Variants in ARHGAP20 observed in about 807,000 individuals in gnomAD.
The protein encoded by ARHGAP20 is rho GTPase-activating protein 20.
Under a neutral mutation model 73.7 loss-of-function variants are expected in ARHGAP20, and 34 were observed. The observed-to-expected ratio is 0.46, with a 90% CI of 0.35 to 0.61. The LOEUF (loss-of-function observed/expected upper bound fraction) is 0.61, where lower values mean the gene tolerates loss of function less well. Ranked by LOEUF, ARHGAP20 falls within the 20% of genes least tolerant of loss-of-function variation. The pLI is 0.00. For missense variants in ARHGAP20, 1,314 were observed against 1,420.9 expected (o/e 0.92, Z 1.21); for synonymous variants, 523 against 518.2 (o/e 1.01, Z -0.13).
intron 12 of ARHGAP20, among the ~76,000 whole-genome samples, chr11:110,583,991 A>AT (rs1161370958): frequency 6.6e-6 from 1 of 152,194 alleles, no homozygotes; most frequent in Admixed American, 6.6e-5. Context: ...GCAGAAAAAT[A>AT]TTTCATTAAA....
chr11:110,640,984 A>C (rs893196592), intron 2 of ARHGAP20, among the ~76,000 whole-genome samples: 5 of 152,126 alleles, frequency 3.3e-5, no homozygotes, highest in African/African-American at 1.2e-4. Context: ...TGATAATAGT[A>C]ATACCAGCAT....
rs1043296858 is a variant in ARHGAP20, at chr11:110,712,219, A to G, written c.13T>C (p.Ser5Pro). ...CCCCCTAGAGTCTCCTGCTGGGGGG[A>G]CATCGCTTCCATGAAGAAAATCTTC... MEAM[S>P]PQQETLGGQP... is the part of the protein sequence containing the mutation. The change falls in exon 1 of 15, where the codon TCC becomes CCC. Residue 5 changes from serine (S) to proline (P), a missense_variant. This residue lies in a region of ARHGAP20 where 443 missense variants were observed against 466.4 expected (regional missense o/e 0.95). Coordinates refer to ENST00000683387, the MANE Select transcript of ARHGAP20 (RefSeq NM_001384657.1). 30 of 1,361,658 alleles carry G rather than the reference A, an allele frequency of 2.2e-5. No homozygotes were observed. The highest frequency in any genetic ancestry group is 2.6e-5 in the Non-Finnish European group (27 of 1,049,024). The allele number at this position is 1,361,658 out of a possible 1,614,324, so 84.3% of individuals were successfully genotyped here. A position where few individuals can be genotyped will look rare whatever the true frequency, so the allele number is the denominator to read the frequency against.
At chr11:110,674,590 A>G (rs1949895093) in intron 2 of ARHGAP20, among the ~76,000 whole-genome samples, 1 of 152,258 alleles carries the variant, frequency 6.6e-6, no homozygotes, top group African/African-American at 2.4e-5. Flanking sequence ...TATATAAAAC[A>G]TAAATGAATT....
At chr11:110,609,832 A>AC (rs1591313180) in intron 7 of ARHGAP20, among the ~76,000 whole-genome samples, 1 of 150,776 alleles carries the variant, frequency 6.6e-6, no homozygotes, top group African/African-American at 2.4e-5. Context: ...AAACCATTCC[A>AC]CCCCCCATAC....
intron 9 of ARHGAP20, among the ~76,000 whole-genome samples, chr11:110,593,629 T>A (rs1947881774): frequency 6.6e-6 from 1 of 152,200 alleles, no homozygotes; most frequent in South Asian, 2.1e-4. Context: ...AAACCTACTC[T>A]TACTGGCTTG....
At chr11:110,649,799 T>A (rs952928174) in intron 2 of ARHGAP20, among the ~76,000 whole-genome samples, 1 of 152,122 alleles carries the variant, frequency 6.6e-6, no homozygotes, top group Non-Finnish European at 1.5e-5. Context: ...GGATTAGGCA[T>A]AAAATTTTGG....
rs1950065522 is a variant in ARHGAP20 at position 110,683,010 on chromosome 11, AGC to A, written c.188+7535_188+7536del. 1.1e-4 allele frequency among the ~76,000 whole-genome samples: 16 copies of A among 152,228 alleles called. No homozygotes were observed. In the South Asian group the frequency reaches 3.3e-3, roughly 32 times the overall value. Reference sequence around the variant, plus strand: ...TCTCAGCAGAGATTTAAAAGTACCTAGCACAAAGTCTTGCAAACAGCCCAAAC... The same window carrying A: ...TCTCAGCAGAGATTTAAAAGTACCTAACAAAGTCTTGCAAACAGCCCAAAC... On this transcript the variant is annotated intron_variant, in intron 2 of 14. Coordinates refer to ENST00000683387, the MANE Select transcript of ARHGAP20 (RefSeq NM_001384657.1).
intron 2 of ARHGAP20, among the ~76,000 whole-genome samples, chr11:110,689,247 C>T (rs960361505): frequency 1.2e-4 from 18 of 151,784 alleles, no homozygotes; most frequent in African/African-American, 3.1e-4. Context: ...GTGACCCGCC[C>T]GCCTTGGACT....
intron 1 of ARHGAP20, among the ~76,000 whole-genome samples, chr11:110,692,942 C>T (rs751705614): frequency 5.3e-5 from 8 of 151,830 alleles, no homozygotes; most frequent in Non-Finnish European, 1.2e-4. Flanking sequence ...TCAGAACCCC[C>T]ATGAAATGGA....
chr11:110,632,168 C>T (rs1408052160), intron 2 of ARHGAP20, among the ~76,000 whole-genome samples: 1 of 152,028 alleles, frequency 6.6e-6, no homozygotes, highest in Non-Finnish European at 1.5e-5. Context: ...CTTTTTGTAT[C>T]TATGTTTTCA....
intron 9 of ARHGAP20, among the ~76,000 whole-genome samples, chr11:110,597,710 T>C (rs1478368592): frequency 1.3e-5 from 2 of 152,164 alleles, no homozygotes; most frequent in Non-Finnish European, 2.9e-5. Flanking sequence ...ACCCTATGAG[T>C]GTTGACAGAG....
At chr11:110,615,282 AGAG>A (rs1340800551) in intron 5 of ARHGAP20, among the ~76,000 whole-genome samples, 1 of 152,200 alleles carries the variant, frequency 6.6e-6, no homozygotes, top group African/African-American at 2.4e-5. Flanking sequence ...ATGGAAAGAG[AGAG>A]GAGATTATTG....
rs575099404 is a variant in ARHGAP20 at position 110,624,117 on chromosome 11, A to G, written c.503+45T>C. ...TAAAATTTCAATCCTAGAAATTATC[A>G]TAGTAGCTAACCCAGGTAAATAGAG... On this transcript the variant is annotated intron_variant, in intron 4 of 14. Coordinates refer to ENST00000683387, the MANE Select transcript of ARHGAP20 (RefSeq NM_001384657.1). 2.0e-5 allele frequency: 31 copies of G among 1,576,788 alleles called. No homozygotes were observed. In the South Asian group the frequency reaches 3.1e-4, roughly 16 times the overall value.
At position 110,690,612 on chromosome 11, in the gene ARHGAP20, T is replaced by G; in HGVS notation, c.123A>C (p.Ala41=). The G allele has an allele frequency of 6.2e-7, 1 of 1,614,106 alleles. No homozygotes were observed. Among genetic ancestry groups the G allele is most frequent in the Non-Finnish European group, 8.5e-7 (1 of 1,179,968 alleles). ...GAGATGGAGCGCTCCTCCTCCTTTCTGCTAGTGTTTTCATTTTCTGTTGAT... is the reference window on the plus strand; with the variant it reads ...GAGATGGAGCGCTCCTCCTCCTTTCGGCTAGTGTTTTCATTTTCTGTTGAT... ...SCTKKKMKTL[A]ERRRSAPSLI... The change falls in exon 2 of 15, where the codon GCA becomes GCC. Residue 41 remains alanine (A), a synonymous_variant. Transcript: ENST00000683387.
intron 9 of ARHGAP20, among the ~76,000 whole-genome samples, chr11:110,594,163 ATAAG>A (rs538590256): frequency 2.0e-5 from 3 of 152,198 alleles, no homozygotes; most frequent in Non-Finnish European, 4.4e-5. Context: ...GGGAGGATAA[ATAAG>A]TAAGCAACGT....
At chr11:110,620,059 G>C (rs1948596362) in intron 4 of ARHGAP20, among the ~76,000 whole-genome samples, 1 of 151,952 alleles carries the variant, frequency 6.6e-6, no homozygotes, top group South Asian at 2.1e-4. Flanking sequence ...TCTTGCTCAG[G>C]CTAGAGCTAT....
At position 110,687,166 on chromosome 11, in the gene ARHGAP20, C is replaced by T. The variant is rs183434553; in HGVS notation, c.188+3381G>A. Among the ~76,000 whole-genome samples the T allele has an allele frequency of 7.3e-5, 11 of 150,790 alleles. No homozygotes were observed. The East Asian group carries it at 1.6e-3, about 21-fold the overall frequency. On this transcript the variant is annotated intron_variant, in intron 2 of 14. Coordinates refer to ENST00000683387, the MANE Select transcript of ARHGAP20 (RefSeq NM_001384657.1). Reference sequence around the variant, plus strand: ...AATCATAGCTCACTGCAGCTTCCAACTCCTGGGCTTAAGTGATCCTCCCAC... The same window carrying T: ...AATCATAGCTCACTGCAGCTTCCAATTCCTGGGCTTAAGTGATCCTCCCAC...
chr11:110,630,938 T>C (rs1180828106), intron 2 of ARHGAP20, 146 bp from the exon 3 acceptor site: 2 of 723,630 alleles, frequency 2.8e-6, no homozygotes, highest in Admixed American at 3.4e-5. Flanking sequence ...TCTTTAATAT[T>C]TCATTATGAA....
At chr11:110,687,793 T>G (rs774766447) in intron 2 of ARHGAP20, among the ~76,000 whole-genome samples, 21 of 152,200 alleles carry the variant, frequency 1.4e-4, no homozygotes, top group Non-Finnish European at 2.6e-4. Context: ...AATAAGTACA[T>G]GCTCAGACAT....
Sources: gnomAD v4.1 joint callset for allele counts (sites outside exome capture counted in the v4.1 genomes callset) on GRCh38, gnomAD v4.1.1 for gene constraint, gnomAD v4.1.1 regional missense constraint, MANE v1.5 for transcripts, NCBI Gene and HGNC (gene_info 2026-07-23, HGNC 2026-07-21) for gene names.